Variants in B4GALT6 observed in about 807,000 individuals in gnomAD.
B4GALT6 encodes the protein beta-1,4-galactosyltransferase 6, also known as UDP-Gal:beta-GlcNAc beta-1,4-galactosyltransferase 6.
A neutral mutation model predicts 46.3 loss-of-function variants in B4GALT6; 14 were observed. The observed-to-expected ratio is 0.30, with a 90% CI of 0.20 to 0.47. The LOEUF (loss-of-function observed/expected upper bound fraction) is 0.47. Among genes scored for constraint, B4GALT6 ranks in the 20% least tolerant of loss-of-function variants. The probability of loss-of-function intolerance (pLI) is 0.99; values close to 1 mark genes in which losing one functional copy is unlikely to be tolerated. For synonymous variants in B4GALT6, 168 were observed against 162.0 expected (o/e 1.04, Z -0.28); for missense variants, 386 against 480.1 (o/e 0.80, Z 1.83).
At chr18:31,703,996 T>A in the B4GALT6 span, among the ~76,000 whole-genome samples, 1 of 152,166 alleles carries the variant, frequency 6.6e-6, no homozygotes, top group Non-Finnish European at 1.5e-5. Flanking sequence ...TTTTAATCCT[T>A]TTTTGTTATC....
the B4GALT6 span, among the ~76,000 whole-genome samples, chr18:31,711,135 C>T: frequency 6.6e-6 from 1 of 152,214 alleles, no homozygotes; most frequent in Non-Finnish European, 1.5e-5. Flanking sequence ...AGAGGTATCT[C>T]TTAAAAATTT....
At chr18:31,656,995 A>G (rs777077689) in intron 3 of B4GALT6, among the ~76,000 whole-genome samples, 2 of 152,238 alleles carry the variant, frequency 1.3e-5, no homozygotes, top group Non-Finnish European at 2.9e-5. Flanking sequence ...CTTTCAGATT[A>G]GCAAGAATTT....
the B4GALT6 span, among the ~76,000 whole-genome samples, chr18:31,697,176 G>C: frequency 1.3e-5 from 2 of 152,154 alleles, no homozygotes. Flanking sequence ...GAAGGCTGAG[G>C]TGGGAGGATC....
At position 31,625,363 on chromosome 18, in the gene B4GALT6, C is replaced by G. The variant is rs1317239122; in HGVS notation, c.*251G>C. The G allele has an allele frequency of 5.1e-6, 2 of 395,496 alleles. No individual in the cohort carries two copies. The highest frequency in any genetic ancestry group is 4.6e-5 in the Admixed American group (1 of 21,774). The allele number at this position is 395,496 out of a possible 1,614,324, so 24.5% of individuals were successfully genotyped here. On this transcript the variant is annotated 3_prime_UTR_variant, in exon 9 of 9. Transcript: ENST00000306851. ...AAAAATTTTCTCTTCGGAGGGAGCT[C>G]TCTTAACTTCCGATCTTAAGTAGTG...
chr18:31,680,006 G>A (rs1340904380), intron 1 of B4GALT6, among the ~76,000 whole-genome samples: 12 of 152,072 alleles, frequency 7.9e-5, no homozygotes, highest in South Asian at 2.1e-4. Context: ...GGACTGCATC[G>A]CTTTCAAGAC....
intron 1 of B4GALT6, among the ~76,000 whole-genome samples, chr18:31,680,102 T>A (rs1364004914): frequency 6.6e-6 from 1 of 152,042 alleles, no homozygotes; most frequent in Non-Finnish European, 1.5e-5. Flanking sequence ...AGATGCCCAA[T>A]ACCATGGCCC....
chr18:31,684,657 AG>A (rs1195185848), upstream of B4GALT6: 7 of 815,262 alleles, frequency 8.6e-6, no homozygotes, highest in Non-Finnish European at 1.0e-5. Context: ...CCGAGGGACA[AG>A]AGGTGGAGGG....
At chr18:31,686,768 G>C (rs2029937006), upstream of B4GALT6, 1 of 152,158 alleles carries the variant, frequency 6.6e-6, no homozygotes, top group South Asian at 2.1e-4. Flanking sequence ...GAATGCTGAG[G>C]AAGCAAAAAT....
intron 4 of B4GALT6, among the ~76,000 whole-genome samples, chr18:31,641,870 A>C (rs2073934601): frequency 6.6e-6 from 1 of 152,194 alleles, no homozygotes; most frequent in African/African-American, 2.4e-5. Flanking sequence ...TGTGTATCAC[A>C]TCAATTTCTC....
At chr18:31,667,206 C>A (rs1451870975) in intron 1 of B4GALT6, among the ~76,000 whole-genome samples, 1 of 152,126 alleles carries the variant, frequency 6.6e-6, no homozygotes, top group East Asian at 1.9e-4. Context: ...TTGTACAGCT[C>A]CTTGGATCTC....
At chr18:31,664,486 C>T (rs2074260051) in intron 2 of B4GALT6, among the ~76,000 whole-genome samples, 1 of 149,300 alleles carries the variant, frequency 6.7e-6, no homozygotes. Context: ...GTTCTTTGGT[C>T]TTTATTGAAA....
At chr18:31,709,862 G>A in the B4GALT6 span, among the ~76,000 whole-genome samples, 1 of 151,886 alleles carries the variant, frequency 6.6e-6, no homozygotes, top group South Asian at 2.1e-4. Flanking sequence ...AGAAGCCAAG[G>A]CAGGCCGATC....
chr18:31,722,338 A>G, the B4GALT6 span, among the ~76,000 whole-genome samples: 1 of 152,174 alleles, frequency 6.6e-6, no homozygotes, highest in Non-Finnish European at 1.5e-5. Context: ...ATACATAAGG[A>G]ATTGGTAATA....
intron 5 of B4GALT6, among the ~76,000 whole-genome samples, chr18:31,638,304 G>A (rs2073886444): frequency 6.6e-6 from 1 of 152,094 alleles, no homozygotes. Context: ...GAGGGGGGTG[G>A]ATCACGAGAT....
chr18:31,712,817 T>G, the B4GALT6 span, among the ~76,000 whole-genome samples: 1 of 152,224 alleles, frequency 6.6e-6, no homozygotes. Flanking sequence ...AAATTAAGAA[T>G]GCCGCTAAGC....
Position 31,633,877 on chromosome 18 carries a change from A to T in B4GALT6, c.589-2731T>A, listed in dbSNP as rs191768453. On this transcript the variant is annotated intron_variant, in intron 5 of 8. Coordinates refer to ENST00000306851, the MANE Select transcript of B4GALT6 (RefSeq NM_004775.5). Reference sequence around the variant, plus strand: ...AGTGCCATGGAGACACTGCAGAATGATTTACTACTGCCGGTCCTTCTGGGC... The same window carrying T: ...AGTGCCATGGAGACACTGCAGAATGTTTTACTACTGCCGGTCCTTCTGGGC... Among the ~76,000 whole-genome samples the T allele has an allele frequency of 9.7e-4, 148 of 152,222 alleles. 1 individual carries two copies. Among genetic ancestry groups the T allele is most frequent in the African/African-American group, 3.3e-3 (138 of 41,526 alleles).
rs58990857 is a variant in B4GALT6, at chr18:31,637,390, C to CTTT, written c.588+1251_588+1253dup. Among the ~76,000 whole-genome samples, 261 of 116,010 alleles carry CTTT rather than the reference C, an allele frequency of 2.2e-3. 1 individual carries two copies. The highest frequency in any genetic ancestry group is 8.3e-3 in the African/African-American group (249 of 29,896). 76.1% of individuals were successfully genotyped at this position (116,010 alleles called of 152,430 possible). On this transcript the variant is annotated intron_variant, in intron 5 of 8. Coordinates refer to ENST00000306851, the MANE Select transcript of B4GALT6 (RefSeq NM_004775.5). Reference sequence around the variant, plus strand: ...AGTTTAGTCTTCCATGCAATGTATGCTTTTTTTTTTTTTTTTTGACCTGTC... The same window carrying CTTT: ...AGTTTAGTCTTCCATGCAATGTATGCTTTTTTTTTTTTTTTTTTTTGACCTGTC...
chr18:31,631,150 C>G lies in B4GALT6; in HGVS notation c.589-4G>C, dbSNP rs769380898. 6.2e-7 allele frequency: 1 copy of G among 1,605,700 alleles called. No homozygotes were observed. Among genetic ancestry groups the G allele is most frequent in the Admixed American group, 1.7e-5 (1 of 59,358 alleles). On this transcript the variant is annotated splice_polypyrimidine_tract_variant and splice_region_variant and intron_variant, in intron 5 of 8. Coordinates refer to ENST00000306851, the MANE Select transcript of B4GALT6 (RefSeq NM_004775.5). ...GGTTAAAAGGTTGTGTGCCAGTCTT[C>G]ATGGAGCAGACCGAGAGAAAAAAAT...
rs1306502621 is a variant in B4GALT6, at chr18:31,624,853, G to T, written c.*761C>A. The T allele has an allele frequency of 9.8e-5, 15 of 152,584 alleles. No individual in the cohort carries two copies. Among genetic ancestry groups the T allele is most frequent in the Admixed American group, 9.8e-4 (15 of 15,286 alleles). The allele number at this position is 152,584 out of a possible 1,614,324, so 9.5% of individuals were successfully genotyped here. ...TATCATGTCACATCACAACTTTTAAGATTTTTCTTGGTAATACTCATGCAA... is the reference window on the plus strand; with the variant it reads ...TATCATGTCACATCACAACTTTTAATATTTTTCTTGGTAATACTCATGCAA... On this transcript the variant is annotated 3_prime_UTR_variant, in exon 9 of 9. Transcript: ENST00000306851.
Sources: allele counts gnomAD v4.1 joint callset (sites outside exome capture counted in the v4.1 genomes callset), GRCh38; gene constraint gnomAD v4.1.1; transcripts MANE v1.5; gene names NCBI Gene and HGNC (gene_info 2026-07-23, HGNC 2026-07-21).